ZNRF1: variants seen among roughly 807,000 people sequenced by gnomAD.
ZNRF1 encodes E3 ubiquitin-protein ligase ZNRF1.
Under a neutral mutation model 18.4 loss-of-function variants are expected in ZNRF1, and 3 were observed. That is an observed-to-expected ratio of 0.16 (90% CI 0.07 to 0.42). ZNRF1 has a LOEUF of 0.42. Ranked by LOEUF, ZNRF1 falls within the 10% of genes least tolerant of loss-of-function variation. ZNRF1 has a pLI of 0.99. For synonymous variants in ZNRF1, 157 were observed against 144.2 expected, an observed-to-expected ratio of 1.09 and a Z score of -0.64; for missense variants, 310 against 329.8, an observed-to-expected ratio of 0.94 and a Z score of 0.47.
chr16:75,043,299 C>G (rs1009236792), intron 1 of ZNRF1, among the ~76,000 whole-genome samples: 2 of 152,178 alleles, frequency 1.3e-5, no homozygotes, highest in Non-Finnish European at 2.9e-5. Context: ...CACATTATCA[C>G]TGAAACCAGA....
At chr16:75,087,069 G>C (rs773021899) in intron 1 of ZNRF1, among the ~76,000 whole-genome samples, 8 of 152,166 alleles carry the variant, frequency 5.3e-5, no homozygotes, top group Non-Finnish European at 1.0e-4. Context: ...AAGTGCATTG[G>C]TCTCCAGAGC....
intron 2 of ZNRF1, chr16:75,104,097 A>G (rs370121182): frequency 6.6e-6 from 1 of 152,268 alleles, no homozygotes; most frequent in African/African-American, 2.4e-5. Context: ...GGATGTATCT[A>G]TTCTGGACAT....
intron 1 of ZNRF1, among the ~76,000 whole-genome samples, chr16:75,057,379 A>G (rs2035682113): frequency 6.6e-6 from 1 of 152,020 alleles, no homozygotes; most frequent in Non-Finnish European, 1.5e-5. Flanking sequence ...TTTTTAATAT[A>G]TTGATTTGGT....
At chr16:75,105,651 A>G (rs1472904568) in intron 3 of ZNRF1, 1 of 152,226 alleles carries the variant, frequency 6.6e-6, no homozygotes, top group Non-Finnish European at 1.5e-5. Context: ...CCTGGGAGAG[A>G]TTCTTGGTCT....
At position 75,062,445 on chromosome 16, in the gene ZNRF1, G is replaced by A. The variant is rs147667536; in HGVS notation, c.425-31127G>A. ...AGTGAAATGAATTCTTTATCGGAAA[G>A]AGTCAATTAAAAGAGCTAAGTCAAA... On this transcript the variant is annotated intron_variant, in intron 1 of 4. Coordinates refer to ENST00000335325, the MANE Select transcript of ZNRF1 (RefSeq NM_032268.5). 3.3e-5 allele frequency among the ~76,000 whole-genome samples: 5 copies of A among 152,366 alleles called. No individual in the cohort carries two copies. The East Asian group carries it at 7.7e-4, about 24-fold the overall frequency.
chr16:75,037,528 G>A (rs1214996680), intron 1 of ZNRF1, among the ~76,000 whole-genome samples: 1 of 151,848 alleles, frequency 6.6e-6, no homozygotes, highest in Non-Finnish European at 1.5e-5. Flanking sequence ...TAGTATAGAC[G>A]GGGTTTCACC....
Position 75,056,397 on chromosome 16 carries a change from A to C in ZNRF1, c.425-37175A>C, listed in dbSNP as rs114478335. 4.2e-3 allele frequency among the ~76,000 whole-genome samples: 634 copies of C among 152,316 alleles called. 4 individuals carry two copies. Among genetic ancestry groups the C allele is most frequent in the African/African-American group, 0.015 (609 of 41,578 alleles). ...CTGCTCATAAGTTCTAGTGGTTCTG[A>C]AAAGAATAGGTTTAAAAGTGAGGTA... On this transcript the variant is annotated intron_variant, in intron 1 of 4. Coordinates refer to ENST00000335325, the MANE Select transcript of ZNRF1 (RefSeq NM_032268.5).
intron 1 of ZNRF1, among the ~76,000 whole-genome samples, chr16:75,070,174 C>T (rs1291624525): frequency 6.6e-6 from 1 of 152,114 alleles, no homozygotes. Flanking sequence ...ATTCTAAGTC[C>T]AGCAGATGGC....
rs149157406 is a variant in ZNRF1, at chr16:75,058,158, G to C, written c.425-35414G>C. Among the ~76,000 whole-genome samples, 73 of 151,240 alleles carry C rather than the reference G, an allele frequency of 4.8e-4. No homozygotes were observed. The East Asian group carries it at 0.01, about 21-fold the overall frequency. On this transcript the variant is annotated intron_variant, in intron 1 of 4. Transcript: ENST00000335325. ...TGTTATTTTATTATTTTAGAGACGG[G>C]GGGGTGGTCTCACTATGTTGTCCAG...
At chr16:75,017,020 A>C (rs147792341) in intron 1 of ZNRF1, among the ~76,000 whole-genome samples, 1 of 152,292 alleles carries the variant, frequency 6.6e-6, no homozygotes, top group East Asian at 1.9e-4. Flanking sequence ...TTTTAATGAT[A>C]GGACATCTGG....
intron 1 of ZNRF1, among the ~76,000 whole-genome samples, chr16:75,079,943 T>G (rs1171932062): frequency 6.6e-6 from 1 of 152,124 alleles, no homozygotes; most frequent in Non-Finnish European, 1.5e-5. Flanking sequence ...TGAGACGGAG[T>G]CTCACTCTGC....
chr16:75,029,093 T>C (rs2035264165), intron 1 of ZNRF1, among the ~76,000 whole-genome samples: 1 of 134,706 alleles, frequency 7.4e-6, no homozygotes, highest in Non-Finnish European at 1.6e-5. Context: ...TTTTTTTTGC[T>C]ACAACTCCAG....
intron 1 of ZNRF1, among the ~76,000 whole-genome samples, chr16:75,056,695 C>CAG (rs1449708500): frequency 6.6e-6 from 1 of 151,966 alleles, no homozygotes; most frequent in Admixed American, 6.6e-5. Flanking sequence ...GTCATGATCT[C>CAG]AGCTCACTGC....
chr16:75,057,366 T>G (rs1051332150), intron 1 of ZNRF1, among the ~76,000 whole-genome samples: 4 of 151,996 alleles, frequency 2.6e-5, no homozygotes, highest in Non-Finnish European at 5.9e-5. Flanking sequence ...ACACTTGGAG[T>G]TTTTTTTAAT....
intron 1 of ZNRF1, among the ~76,000 whole-genome samples, chr16:75,061,335 T>G (rs1049506736): frequency 6.6e-6 from 1 of 151,592 alleles, no homozygotes. Flanking sequence ...GTAACCATCC[T>G]TCTACCCTCT....
intron 1 of ZNRF1, among the ~76,000 whole-genome samples, chr16:75,050,685 G>A (rs573425249): frequency 1.2e-4 from 18 of 150,938 alleles, no homozygotes; most frequent in South Asian, 1.0e-3. Context: ...TGGCTAACAC[G>A]GTGAAACACC....
intron 1 of ZNRF1, among the ~76,000 whole-genome samples, chr16:75,042,472 C>T (rs1192700626): frequency 8.4e-6 from 1 of 119,566 alleles, no homozygotes; most frequent in Non-Finnish European, 1.7e-5. Context: ...TGTAAACACA[C>T]ATATTTCTAG....
chr16:75,090,643 C>T (rs1030110491), intron 1 of ZNRF1, among the ~76,000 whole-genome samples: 1 of 152,256 alleles, frequency 6.6e-6, no homozygotes, highest in South Asian at 2.1e-4. Context: ...GTGACATGCT[C>T]AGATGCTAAG....
chr16:75,070,600 T>G (rs1193456711), intron 1 of ZNRF1, among the ~76,000 whole-genome samples: 1 of 152,186 alleles, frequency 6.6e-6, no homozygotes, highest in Non-Finnish European at 1.5e-5. Flanking sequence ...TAAGCATACA[T>G]CCTGATGCAT....
Sources: gnomAD v4.1 joint callset for allele counts (sites outside exome capture counted in the v4.1 genomes callset) on GRCh38, gnomAD v4.1.1 for gene constraint, MANE v1.5 for transcripts, NCBI Gene and HGNC (gene_info 2026-07-23, HGNC 2026-07-21) for gene names.